Variants in LTF observed in about 807,000 individuals in gnomAD.
LTF encodes epididymis luminal protein 110.
In LTF, 91 loss-of-function variants were observed where a neutral mutation model predicts 87.2. The ratio of observed to expected loss-of-function variants is 1.04; its 90% CI spans 0.88 to 1.24. The LOEUF is 1.24. Ranked by LOEUF, LTF falls within the 50% of genes most tolerant of loss-of-function variation. LTF has a pLI of 0.00. For missense variants in LTF, 901 were observed against 904.3 expected, an observed-to-expected ratio of 1.00 and a Z score of 0.05; for synonymous variants, 378 against 356.1, an observed-to-expected ratio of 1.06 and a Z score of -0.69.
intron 15 of LTF, among the ~76,000 whole-genome samples, chr3:46,438,997 G>T (rs1224472052): frequency 1.3e-5 from 2 of 152,086 alleles, no homozygotes; most frequent in South Asian, 2.1e-4. Flanking sequence ...TTCCTCATTT[G>T]CCAGAAGAAC....
chr3:46,448,689 TA>T (rs1702718188), intron 9 of LTF, among the ~76,000 whole-genome samples, 173 bp downstream of exon 9: 1 of 152,238 alleles, frequency 6.6e-6, no homozygotes, highest in Admixed American at 6.5e-5. Flanking sequence ...AAACCCACAG[TA>T]AACTGCTTTT....
chr3:46,438,954 AT>A (rs1345876775), intron 15 of LTF, among the ~76,000 whole-genome samples: 5 of 152,140 alleles, frequency 3.3e-5, no homozygotes, highest in African/African-American at 1.2e-4. Context: ...AAAAAGCACT[AT>A]ACTAATGCAT....
intron 1 of LTF, among the ~76,000 whole-genome samples, chr3:46,471,209 T>G (rs2106917464): frequency 6.6e-6 from 1 of 152,106 alleles, no homozygotes; most frequent in East Asian, 1.9e-4. Context: ...TTTTCTAGAG[T>G]GTTCACAGTC....
chr3:46,466,252 A>T (rs966213427), upstream of LTF, among the ~76,000 whole-genome samples: 4 of 152,186 alleles, frequency 2.6e-5, no homozygotes, highest in Non-Finnish European at 5.9e-5. Context: ...CCACCAAAAA[A>T]AAAAAGGGTA....
chr3:46,465,034 A>C, upstream of LTF: 1 of 700,364 alleles, frequency 1.4e-6, no homozygotes, highest in East Asian at 2.7e-5. Context: ...GGCTCCGAAA[A>C]GCCCTGAGGC....
chr3:46,454,280 C>A, intron 6 of LTF, 25 bp downstream of exon 6: 1 of 1,611,330 alleles, frequency 6.2e-7, no homozygotes, highest in Non-Finnish European at 8.5e-7. Context: ...GGGTCAGTAC[C>A]CACGGCTCAT....
In LTF at chr3:46,450,692, G is replaced by A. The variant is rs1396908968; in HGVS notation, c.704-19C>T. On this transcript the variant is annotated intron_variant, in intron 6 of 16. Coordinates refer to ENST00000231751, the MANE Select transcript of LTF (RefSeq NM_002343.6). The stretch of plus-strand genomic sequence containing the variant: ...AGGTCCTCTGCAGGGAAGGTGAGGT[G>A]GGAGGGAGTCTAGATAAGCCGACTC... 1.2e-6 allele frequency: 2 copies of A among 1,600,482 alleles called. No individual in the cohort carries two copies. Among genetic ancestry groups the A allele is most frequent in the East Asian group, 2.2e-5 (1 of 44,538 alleles).
At position 46,455,985 on chromosome 3, in the gene LTF, A is replaced by C. The variant is rs763967528; in HGVS notation, c.317-7T>G. ...TAATAGTGAGTTCGTGGCTCTGCAA[A>C]GGGGCAGACAGAATTGAAAGTTCTT... On this transcript the variant is annotated splice_region_variant and splice_polypyrimidine_tract_variant and intron_variant, in intron 3 of 16. Transcript: ENST00000231751. 3 of 1,557,202 alleles carry C rather than the reference A, an allele frequency of 1.9e-6. No individual in the cohort carries two copies. The highest frequency in any genetic ancestry group is 1.4e-5 in the African/African-American group (1 of 72,834).
intron 6 of LTF, among the ~76,000 whole-genome samples, chr3:46,452,094 T>C: frequency 6.6e-6 from 1 of 152,178 alleles, no homozygotes; most frequent in East Asian, 1.9e-4. Context: ...AGACACACTC[T>C]TATTTAAAAA....
chr3:46,442,884 A>C (rs1702557196), intron 13 of LTF, among the ~76,000 whole-genome samples: 1 of 152,222 alleles, frequency 6.6e-6, no homozygotes, highest in Admixed American at 6.5e-5. Context: ...ATGGTGCTGT[A>C]AAACGTGGGG....
chr3:46,455,805 T>G lies in LTF; in HGVS notation c.490A>C (p.Ile164Leu), dbSNP rs141442902. Residue 164 changes from isoleucine to leucine, a missense_variant, in exon 4 of 17, where the codon ATT becomes CTT. Coordinates refer to ENST00000231751, the MANE Select transcript of LTF (RefSeq NM_002343.6). ...CCCCCAGCCATCTTACCTGCCTCAA[T>G]GGGCTCAGGTGGACCCGTCCAATTC... is the stretch of plus-strand genomic sequence containing the variant. ...FLNWTGPPEPIEAAVARFFSA... is the reference protein window; with the variant it reads ...FLNWTGPPEPLEAAVARFFSA... The G allele has an allele frequency of 2.2e-5, 35 of 1,564,540 alleles. No individual in the cohort carries two copies. Among genetic ancestry groups the G allele is most frequent in the Non-Finnish European group, 2.9e-5 (34 of 1,156,194 alleles).
At chr3:46,445,103 AC>A (rs574267718) in intron 12 of LTF, among the ~76,000 whole-genome samples, 177 bp downstream of exon 12, 148 of 151,484 alleles carry the variant, frequency 9.8e-4, no homozygotes, top group Admixed American at 4.3e-3. Flanking sequence ...GTGCAGGGAA[AC>A]CCCCAGTGCA....
At chr3:46,482,600 A>AG (rs1703452557) in intron 1 of LTF, among the ~76,000 whole-genome samples, 3 of 142,570 alleles carry the variant, frequency 2.1e-5, no homozygotes, top group African/African-American at 7.8e-5. Flanking sequence ...AGAGAGAGAA[A>AG]GAAAGAAAGA....
At chr3:46,450,384 T>A (rs1702773533) in intron 7 of LTF, 111 bp downstream of exon 7, 3 of 1,167,062 alleles carry the variant, frequency 2.6e-6, no homozygotes, top group African/African-American at 1.5e-5. Context: ...TAGTGTGCTA[T>A]CCTGCAGCAA....
rs147094293 is a variant in LTF at position 46,445,350 on chromosome 3, C to A, written c.1444G>T (p.Val482Leu). 2,259 of 1,613,862 alleles carry A rather than the reference C, an allele frequency of 1.4e-3. 2 individuals are homozygous for A. Among genetic ancestry groups the A allele is most frequent in the African/African-American group, 5.7e-3 (431 of 75,052 alleles). ...ATATTCCAGCCTGCAGTCCTGTCCA[C>A]GGCGGTGTGGCAGGACTTCTTGCCT... The part of the protein sequence containing the change: ...VKGKKSCHTA[V>L]DRTAGWNIPM... The change falls in exon 12 of 17, where the codon GTG becomes TTG. Residue 482 changes from valine (V) to leucine (L), a missense_variant. By Grantham distance (32) the Val-to-Leu change is conservative (BLOSUM62 1). Transcript: ENST00000231751.
In LTF at chr3:46,453,733, C is replaced by A. The variant is rs182211565; in HGVS notation, c.703+572G>T. Among the ~76,000 whole-genome samples the A allele has an allele frequency of 1.2e-4, 18 of 152,316 alleles. No homozygotes were observed. The East Asian group carries it at 2.5e-3, about 21-fold the overall frequency. ...CTTTATTATAAGTCCAGGAGGGACG[C>A]TGTCCAGCACGTAAGTAAGGAACAC... On this transcript the variant is annotated intron_variant, in intron 6 of 16. Coordinates refer to ENST00000231751, the MANE Select transcript of LTF (RefSeq NM_002343.6).
At chr3:46,456,476 A>C in intron 2 of LTF, 78 bp from the exon 3 acceptor site, 1 of 1,165,812 alleles carries the variant, frequency 8.6e-7, no homozygotes, top group Non-Finnish European at 1.3e-6. Context: ...GACCTCAAAA[A>C]GTCTCCATGG....
At chr3:46,471,676 A>G (rs372216972) in intron 1 of LTF, among the ~76,000 whole-genome samples, 4 of 152,330 alleles carry the variant, frequency 2.6e-5, no homozygotes, top group South Asian at 4.1e-4. Flanking sequence ...CGCCCTGTGT[A>G]GCACCTACCT....
At chr3:46,482,001 CAT>C (rs1703436230) in intron 1 of LTF, among the ~76,000 whole-genome samples, 3 of 152,274 alleles carry the variant, frequency 2.0e-5, no homozygotes, top group African/African-American at 7.2e-5. Flanking sequence ...AAACACTGCA[CAT>C]GTCTCAGAAC....
Sources: allele counts gnomAD v4.1 joint callset (sites outside exome capture counted in the v4.1 genomes callset), GRCh38; gene constraint gnomAD v4.1.1; transcripts MANE v1.5; gene names NCBI Gene and HGNC (gene_info 2026-07-23, HGNC 2026-07-21).